ANO4: variants seen among roughly 807,000 people sequenced by gnomAD.
The protein encoded by ANO4 is anoctamin-4.
ANO4 carries 69 observed loss-of-function variants against 141.9 expected under a neutral mutation model. The observed-to-expected ratio is 0.49, with a 90% confidence interval of 0.40 to 0.59. The LOEUF is 0.59. Ranked by LOEUF, ANO4 falls within the 20% of genes least tolerant of loss-of-function variation. ANO4 has a pLI of 0.00. For synonymous variants in ANO4, 350 were observed against 394.3 expected (o/e 0.89, Z 1.33); for missense variants, 894 against 1,162.2 (o/e 0.77, Z 3.36).
intron 16 of ANO4, among the ~76,000 whole-genome samples, chr12:101,084,078 T>A (rs1018142892): frequency 2.0e-5 from 3 of 152,224 alleles, no homozygotes; most frequent in African/African-American, 7.2e-5. Flanking sequence ...TCTAATCTGA[T>A]ATTCTTTCCT....
chr12:100,804,409 C>T (rs1045263021), intron 1 of ANO4, among the ~76,000 whole-genome samples: 15 of 152,158 alleles, frequency 9.9e-5, no homozygotes, highest in African/African-American at 3.4e-4. Context: ...CTGCAGTGAA[C>T]AAATGCATGC....
At chr12:100,949,494 T>A (rs1386457289) in intron 5 of ANO4, among the ~76,000 whole-genome samples, 1 of 152,238 alleles carries the variant, frequency 6.6e-6, no homozygotes, top group Non-Finnish European at 1.5e-5. Flanking sequence ...TGCTTATCTC[T>A]GTGCCTTTTA....
At chr12:100,921,878 A>G (rs1282032178) in intron 2 of ANO4, among the ~76,000 whole-genome samples, 1 of 152,192 alleles carries the variant, frequency 6.6e-6, no homozygotes, top group Non-Finnish European at 1.5e-5. Context: ...GTCACATTTA[A>G]TCCATGTGGA....
chr12:100,978,998 A>G (rs1282753232), intron 7 of ANO4, among the ~76,000 whole-genome samples: 1 of 152,192 alleles, frequency 6.6e-6, no homozygotes, highest in African/African-American at 2.4e-5. Flanking sequence ...AGGGGAGTGT[A>G]TGGAATATCC....
chr12:100,882,675 G>GT (rs59850665), intron 1 of ANO4, among the ~76,000 whole-genome samples: 32,581 of 151,396 alleles, frequency 0.22, 3,679 homozygotes, highest in African/African-American at 0.29. Context: ...CTGGAACTCT[G>GT]TTTTTTTTGT....
chr12:100,874,111 C>G (rs536831796), intron 1 of ANO4, among the ~76,000 whole-genome samples: 48 of 152,340 alleles, frequency 3.2e-4, no homozygotes, highest in African/African-American at 1.1e-3. Flanking sequence ...GGAACCTCTG[C>G]CTAGATTTCA....
At chr12:101,075,141 G>A (rs1292024299) in intron 14 of ANO4, among the ~76,000 whole-genome samples, 2 of 152,170 alleles carry the variant, frequency 1.3e-5, no homozygotes, top group African/African-American at 2.4e-5. Flanking sequence ...ACCTGAAAGT[G>A]AGGGTAGGAG....
At chr12:100,721,161 T>C (rs139346235) in intron 1 of ANO4, among the ~76,000 whole-genome samples, 1 of 151,532 alleles carries the variant, frequency 6.6e-6, no homozygotes, top group African/African-American at 2.4e-5. Flanking sequence ...CATCACAAAC[T>C]CAATGTGTCC....
intron 1 of ANO4, among the ~76,000 whole-genome samples, chr12:100,822,198 C>T (rs2036091821): frequency 1.3e-5 from 2 of 151,958 alleles, no homozygotes; most frequent in African/African-American, 4.8e-5. Flanking sequence ...AATAAAGTGA[C>T]CCTTTGTTAT....
chr12:101,024,113 A>C (rs1355257009), intron 9 of ANO4, among the ~76,000 whole-genome samples: 2 of 152,250 alleles, frequency 1.3e-5, no homozygotes, highest in Non-Finnish European at 2.9e-5. Flanking sequence ...ACCCACTTTC[A>C]AAATAGAGCC....
At chr12:100,978,419 T>C (rs1431100455) in intron 7 of ANO4, among the ~76,000 whole-genome samples, 1 of 152,138 alleles carries the variant, frequency 6.6e-6, no homozygotes, top group Non-Finnish European at 1.5e-5. Context: ...AATCTCAAGG[T>C]TTTATGGGAT....
At chr12:101,039,467 T>A (rs1276884712) in intron 10 of ANO4, among the ~76,000 whole-genome samples, 1 of 152,150 alleles carries the variant, frequency 6.6e-6, no homozygotes, top group East Asian at 1.9e-4. Flanking sequence ...ATTGCGCCAC[T>A]GCACTCCAGC....
exon 1 of ANO4, chr12:100,717,540 C>A: frequency 2.5e-6 from 1 of 399,612 alleles, no homozygotes. Context: ...CCTCCCTCAC[C>A]GCATACGGTA....
At chr12:100,731,751 T>C (rs1483204101) in intron 1 of ANO4, among the ~76,000 whole-genome samples, 1 of 152,244 alleles carries the variant, frequency 6.6e-6, no homozygotes, top group Non-Finnish European at 1.5e-5. Flanking sequence ...ATAAAGAATT[T>C]GGCCTTTTCA....
intron 5 of ANO4, among the ~76,000 whole-genome samples, chr12:100,956,178 T>C (rs993510167): frequency 6.6e-6 from 1 of 152,184 alleles, no homozygotes; most frequent in Admixed American, 6.5e-5. Flanking sequence ...ACTGTACTTA[T>C]ATTTAAATAA....
intron 26 of ANO4, among the ~76,000 whole-genome samples, 199 bp downstream of exon 26, chr12:101,120,824 T>C (rs1593321008): frequency 2.0e-5 from 3 of 152,210 alleles, no homozygotes; most frequent in Non-Finnish European, 2.9e-5. Flanking sequence ...TGAAAGTCCA[T>C]AGTTGGTTTT....
At chr12:100,866,943 C>T (rs947162755) in intron 1 of ANO4, among the ~76,000 whole-genome samples, 1 of 152,168 alleles carries the variant, frequency 6.6e-6, no homozygotes, top group African/African-American at 2.4e-5. Flanking sequence ...TGTCTCCTCT[C>T]CTAGCTCCCA....
At chr12:101,090,757 A>C (rs986379977) in intron 17 of ANO4, among the ~76,000 whole-genome samples, 1 of 152,124 alleles carries the variant, frequency 6.6e-6, no homozygotes, top group African/African-American at 2.4e-5. Flanking sequence ...AAAAAGAAAG[A>C]AAGAAATGCC....
At chr12:101,078,283 GT>G (rs2049103597) in intron 14 of ANO4, among the ~76,000 whole-genome samples, 1 of 152,064 alleles carries the variant, frequency 6.6e-6, no homozygotes, top group African/African-American at 2.4e-5. Context: ...GGGTATGTCT[GT>G]TATATCCTTA....
Sources: gnomAD v4.1 joint callset for allele counts (sites outside exome capture counted in the v4.1 genomes callset) on GRCh38, gnomAD v4.1.1 for gene constraint, MANE v1.5 for transcripts, NCBI Gene and HGNC (gene_info 2026-07-23, HGNC 2026-07-21) for gene names.